HHAT: variants seen among roughly 807,000 people sequenced by gnomAD.
The protein encoded by HHAT is protein-cysteine N-palmitoyltransferase HHAT.
In HHAT, 47 loss-of-function variants were observed where a neutral mutation model predicts 70.8. The ratio of observed to expected loss-of-function variants is 0.66; its 90% confidence interval spans 0.53 to 0.85. The LOEUF is 0.85. Among genes scored for constraint, HHAT ranks in the 40% least tolerant of loss-of-function variants. The pLI is 0.00. For synonymous variants in HHAT, 228 were observed against 247.6 expected (o/e 0.92, Z 0.74); for missense variants, 609 against 604.8 (o/e 1.01, Z -0.07).
At chr1:210,615,701 A>G (rs1667552777) in intron 10 of HHAT, among the ~76,000 whole-genome samples, 1 of 152,170 alleles carries the variant, frequency 6.6e-6, no homozygotes, top group Admixed American at 6.5e-5. Flanking sequence ...CTGGAGGTCC[A>G]CTCCAGACCC....
At chr1:210,329,363 G>T in intron 1 of HHAT, 1 of 1,184,790 alleles carries the variant, frequency 8.4e-7, no homozygotes. Flanking sequence ...CCCTGCCCAC[G>T]TCCTCTCTCC....
At chr1:210,432,940 T>C (rs1196119158) in intron 7 of HHAT, among the ~76,000 whole-genome samples, 1 of 151,822 alleles carries the variant, frequency 6.6e-6, no homozygotes, top group African/African-American at 2.4e-5. Flanking sequence ...ACAGAGATAC[T>C]GTAATTTTTT....
chr1:210,377,569 A>G (rs904404716), intron 3 of HHAT, among the ~76,000 whole-genome samples: 3 of 152,240 alleles, frequency 2.0e-5, no homozygotes, highest in African/African-American at 7.2e-5. Flanking sequence ...GCATAATCCA[A>G]AGTGACTTCT....
chr1:210,630,644 C>T (rs137963867), intron 11 of HHAT, among the ~76,000 whole-genome samples: 6 of 152,326 alleles, frequency 3.9e-5, no homozygotes, highest in African/African-American at 1.2e-4. Context: ...CTCTCCCACC[C>T]GCTCTCAGTC....
chr1:210,374,225 G>A (rs554443176), intron 3 of HHAT: 24 of 151,932 alleles, frequency 1.6e-4, no homozygotes, highest in African/African-American at 2.2e-4. Context: ...GAAATCTTTA[G>A]TAAAAGGCGA....
chr1:210,472,482 C>T (rs11584395), intron 8 of HHAT, among the ~76,000 whole-genome samples: 27 of 152,224 alleles, frequency 1.8e-4, no homozygotes, highest in African/African-American at 4.6e-4. Flanking sequence ...ATTTCTCCTT[C>T]GTGATCTGGA....
intron 8 of HHAT, among the ~76,000 whole-genome samples, chr1:210,466,149 A>G (rs1427161248): frequency 6.8e-6 from 1 of 148,148 alleles, no homozygotes; most frequent in Non-Finnish European, 1.5e-5. Context: ...AAGGAATCGC[A>G]AGGAATTGCA....
chr1:210,594,242 C>G (rs1370142578), intron 10 of HHAT, among the ~76,000 whole-genome samples: 6 of 151,976 alleles, frequency 3.9e-5, no homozygotes, highest in Middle Eastern at 3.4e-3. Context: ...CTCCTTCTTT[C>G]CCTCCTTTCT....
rs370014934 is a variant in HHAT at position 210,674,399 on chromosome 1, G to T, written c.*20G>T. 7.5e-6 allele frequency: 12 copies of T among 1,602,700 alleles called. No homozygotes were observed. In the African/African-American group the frequency reaches 1.6e-4, roughly 21 times the overall value. On this transcript the variant is annotated 3_prime_UTR_variant, in exon 12 of 12. Coordinates refer to ENST00000261458, the MANE Select transcript of HHAT (RefSeq NM_018194.6). ...GACTAATGCTGTTGGGCCCAGGCCA[G>T]TCCTTGTTGCTGGCCTCCAAGGCAA...
At position 210,336,287 on chromosome 1, in the gene HHAT, A is replaced by ATTT. The variant is rs541795412; in HGVS notation, c.-44+7204_-44+7206dup. Among the ~76,000 whole-genome samples the ATTT allele has an allele frequency of 6.3e-4, 53 of 84,606 alleles. 4 individuals carry two copies. The highest frequency in any genetic ancestry group is 4.5e-4 in the Non-Finnish European group (19 of 42,336). The allele number at this position is 84,606 out of a possible 152,430, so 55.5% of individuals were successfully genotyped here. On this transcript the variant is annotated intron_variant, in intron 1 of 11. Transcript: ENST00000261458. Reference sequence around the variant, plus strand: ...AGGCATGCACCACTGTGCCTGGCTAATTTTTTTTTTTTTTTTTTTTTTTAG... The same window carrying ATTT: ...AGGCATGCACCACTGTGCCTGGCTAATTTTTTTTTTTTTTTTTTTTTTTTTTAG...
At chr1:210,418,652 TG>T (rs1408693095) in intron 7 of HHAT, among the ~76,000 whole-genome samples, 2 of 152,116 alleles carry the variant, frequency 1.3e-5, no homozygotes, top group East Asian at 1.9e-4. Flanking sequence ...CAGGAGTTGC[TG>T]GGGGCAGCTT....
intron 3 of HHAT, among the ~76,000 whole-genome samples, chr1:210,383,641 G>A (rs979795987): frequency 6.6e-6 from 1 of 152,130 alleles, no homozygotes; most frequent in African/African-American, 2.4e-5. Flanking sequence ...TGGACTTTGG[G>A]GTATCAATGT....
At chr1:210,582,183 G>A (rs1457541066) in intron 9 of HHAT, among the ~76,000 whole-genome samples, 3 of 152,180 alleles carry the variant, frequency 2.0e-5, no homozygotes, top group Non-Finnish European at 4.4e-5. Flanking sequence ...TCTTCTAGAT[G>A]TGAAAATGGT....
At chr1:210,595,061 T>C (rs1247035588) in intron 10 of HHAT, among the ~76,000 whole-genome samples, 2 of 152,140 alleles carry the variant, frequency 1.3e-5, no homozygotes, top group East Asian at 3.9e-4. Context: ...GTGTGCTGCA[T>C]GCATTAACTC....
chr1:210,459,495 G>A lies in HHAT; in HGVS notation c.857-5010G>A, dbSNP rs115397197. On this transcript the variant is annotated intron_variant, in intron 7 of 11. Coordinates refer to ENST00000261458, the MANE Select transcript of HHAT (RefSeq NM_018194.6). ...AAGCTGTACACACATGTGTACAACT[G>A]TGGTCTGATAGGATAAGGACAGACA... Among the ~76,000 whole-genome samples the A allele has an allele frequency of 8.5e-3, 1,296 of 152,252 alleles. 24 individuals carry two copies. The highest frequency in any genetic ancestry group is 0.03 in the African/African-American group (1,233 of 41,548).
At chr1:210,373,240 A>G (rs2089737894) in intron 3 of HHAT, among the ~76,000 whole-genome samples, 1 of 152,026 alleles carries the variant, frequency 6.6e-6, no homozygotes, top group Non-Finnish European at 1.5e-5. Flanking sequence ...AGAAAGGGGG[A>G]CGGGATTATT....
intron 7 of HHAT, among the ~76,000 whole-genome samples, chr1:210,419,140 C>T (rs1050224388): frequency 2.2e-4 from 34 of 152,162 alleles, no homozygotes; most frequent in African/African-American, 8.2e-4. Context: ...GTTCCAGCAC[C>T]CTCATCTGTA....
intron 6 of HHAT, among the ~76,000 whole-genome samples, chr1:210,410,523 A>ATTTTTT (rs35608235): frequency 9.4e-5 from 11 of 116,428 alleles, no homozygotes; most frequent in South Asian, 2.9e-4. Context: ...TTATTTGTAA[A>ATTTTTT]TTTTTTTTTT....
At chr1:210,376,305 T>C (rs1418696974) in intron 3 of HHAT, among the ~76,000 whole-genome samples, 1 of 152,232 alleles carries the variant, frequency 6.6e-6, no homozygotes, top group Non-Finnish European at 1.5e-5. Flanking sequence ...TTATTGTCGT[T>C]CCTTAGGCCC....
Sources: gnomAD v4.1 joint callset for allele counts (sites outside exome capture counted in the v4.1 genomes callset) on GRCh38, gnomAD v4.1.1 for gene constraint, MANE v1.5 for transcripts, NCBI Gene and HGNC (gene_info 2026-07-23, HGNC 2026-07-21) for gene names.